The following ERC2 variants were observed in gnomAD, a reference collection of about 807,000 sequenced individuals.
The protein encoded by ERC2 is ERC protein 2.
Under a neutral mutation model 114.8 loss-of-function variants are expected in ERC2, and 42 were observed. The observed-to-expected ratio is 0.37, with a 90% CI of 0.29 to 0.47. The LOEUF is 0.47. ERC2 is among the 20% of genes least tolerant of loss of function. The pLI, the probability that ERC2 is intolerant of heterozygous loss-of-function variation, is 0.99. For synonymous variants in ERC2, 454 were observed against 425.5 expected (o/e 1.07, Z -0.82); for missense variants, 939 against 1,150.7 (o/e 0.82, Z 2.66).
chr3:56,139,739 C>T (rs2080739320), intron 5 of ERC2, 63 bp from the exon 6 acceptor site: 1 of 1,487,924 alleles, frequency 6.7e-7, no homozygotes, highest in Non-Finnish European at 9.1e-7. Context: ...TTACATTGGA[C>T]AACTACTGAT....
At chr3:55,842,840 A>C (rs2061194105) in intron 14 of ERC2, among the ~76,000 whole-genome samples, 1 of 152,148 alleles carries the variant, frequency 6.6e-6, no homozygotes, top group Non-Finnish European at 1.5e-5. Context: ...TCTAACCTCT[A>C]ACGATCAAAA....
chr3:55,524,410 C>T (rs1436205951), intron 17 of ERC2, among the ~76,000 whole-genome samples: 6 of 152,118 alleles, frequency 3.9e-5, no homozygotes, highest in East Asian at 1.9e-4. Flanking sequence ...ACCTGGGGCA[C>T]CTCTGGCAGC....
intron 7 of ERC2, chr3:56,072,176 G>C (rs1052580882): frequency 1.3e-5 from 2 of 158,938 alleles, no homozygotes; most frequent in East Asian, 1.9e-4. Flanking sequence ...TGATCTGGCT[G>C]GTAGGCGGGT....
In ERC2 at chr3:55,788,289, C is replaced by T. The variant is rs571496585; in HGVS notation, c.2565-53371G>A. ...CCTGATAATCTCAGAGTTCTTTAAA[C>T]ACTGGACAGCTGGTTGCATTCCTTG... is the stretch of plus-strand genomic sequence containing the variant. On this transcript the variant is annotated intron_variant, in intron 14 of 17. Transcript: ENST00000288221. Among the ~76,000 whole-genome samples the T allele has an allele frequency of 2.3e-4, 35 of 152,274 alleles. No individual in the cohort carries two copies. In the South Asian group the frequency reaches 6.6e-3, roughly 29 times the overall value.
At chr3:56,379,979 A>T (rs2059687003) in intron 2 of ERC2, among the ~76,000 whole-genome samples, 1 of 152,198 alleles carries the variant, frequency 6.6e-6, no homozygotes, top group South Asian at 2.1e-4. Context: ...GTTAGGGCTG[A>T]GTAATGATTG....
At chr3:56,013,341 C>A (rs1439404581) in intron 8 of ERC2, among the ~76,000 whole-genome samples, 6 of 152,160 alleles carry the variant, frequency 3.9e-5, no homozygotes, top group Non-Finnish European at 7.3e-5. Context: ...TTTTGTTTCA[C>A]AGCATGCCTT....
chr3:55,830,839 G>A (rs569430148), intron 14 of ERC2, among the ~76,000 whole-genome samples: 1 of 152,188 alleles, frequency 6.6e-6, no homozygotes, highest in South Asian at 2.1e-4. Context: ...AGCTACCTGA[G>A]AGGCTGAGGC....
chr3:56,142,063 T>G (rs1387515863), intron 5 of ERC2, among the ~76,000 whole-genome samples: 1 of 152,190 alleles, frequency 6.6e-6, no homozygotes, highest in African/African-American at 2.4e-5. Context: ...TTCAGAGCTG[T>G]TATTTTCTTT....
intron 4 of ERC2, among the ~76,000 whole-genome samples, chr3:56,164,120 G>A (rs1195520557): frequency 6.6e-6 from 1 of 151,868 alleles, no homozygotes; most frequent in Non-Finnish European, 1.5e-5. Context: ...CAGCTTTCAT[G>A]AGCTATAATA....
chr3:55,726,459 C>T (rs1008562920), intron 15 of ERC2, among the ~76,000 whole-genome samples: 1 of 152,200 alleles, frequency 6.6e-6, no homozygotes, highest in South Asian at 2.1e-4. Context: ...CTAAACACTC[C>T]ACTCAGGTGC....
At chr3:55,558,355 G>C (rs1373248222) in intron 17 of ERC2, among the ~76,000 whole-genome samples, 1 of 152,164 alleles carries the variant, frequency 6.6e-6, no homozygotes, top group Non-Finnish European at 1.5e-5. Context: ...GGGAAAATAA[G>C]GTCCCAAATA....
intron 6 of ERC2, among the ~76,000 whole-genome samples, chr3:56,114,323 A>G (rs2079117368): frequency 1.3e-5 from 2 of 152,234 alleles, no homozygotes; most frequent in African/African-American, 4.8e-5. Flanking sequence ...GTCCATGGTC[A>G]GTGGTCTTCT....
intron 17 of ERC2, among the ~76,000 whole-genome samples, chr3:55,588,561 C>T (rs1341734081): frequency 6.6e-6 from 1 of 152,190 alleles, no homozygotes; most frequent in East Asian, 1.9e-4. Context: ...ACCCTCTCAC[C>T]TGTGCCCCAT....
chr3:56,254,497 T>C (rs983677800), intron 3 of ERC2, among the ~76,000 whole-genome samples: 1 of 152,214 alleles, frequency 6.6e-6, no homozygotes, highest in Non-Finnish European at 1.5e-5. Flanking sequence ...GCCCCACCTC[T>C]GGCTCATTTT....
chr3:55,790,744 T>C (rs2069940722), intron 14 of ERC2, among the ~76,000 whole-genome samples: 1 of 152,222 alleles, frequency 6.6e-6, no homozygotes, highest in Non-Finnish European at 1.5e-5. Context: ...AGCTTGGGAC[T>C]AATGTCTTTT....
intron 17 of ERC2, among the ~76,000 whole-genome samples, chr3:55,540,942 G>A (rs1216798937): frequency 6.6e-6 from 1 of 152,128 alleles, no homozygotes; most frequent in African/African-American, 2.4e-5. Context: ...TCTTATTATA[G>A]TCTGGCTCCC....
intron 4 of ERC2, among the ~76,000 whole-genome samples, chr3:56,149,846 A>T (rs989822446): frequency 3.9e-5 from 6 of 152,156 alleles, no homozygotes; most frequent in South Asian, 4.1e-4. Flanking sequence ...GAAATATTAC[A>T]CTCAGATGTG....
chr3:55,534,005 A>G (rs1263858325), intron 17 of ERC2, among the ~76,000 whole-genome samples: 1 of 152,164 alleles, frequency 6.6e-6, no homozygotes, highest in Non-Finnish European at 1.5e-5. Flanking sequence ...TTGGCCACTT[A>G]CTGGTCATGT....
chr3:56,414,025 A>T (rs1333845776), intron 2 of ERC2, among the ~76,000 whole-genome samples: 2 of 152,214 alleles, frequency 1.3e-5, no homozygotes, highest in Non-Finnish European at 2.9e-5. Context: ...CAGGGTTGGG[A>T]TGCTGATTTC....
Sources: allele counts gnomAD v4.1 joint callset (sites outside exome capture counted in the v4.1 genomes callset), GRCh38; gene constraint gnomAD v4.1.1; transcripts MANE v1.5; gene names NCBI Gene and HGNC (gene_info 2026-07-23, HGNC 2026-07-21).